Variants in LAMA3 observed in about 807,000 individuals in gnomAD.
LAMA3 encodes the protein laminin subunit alpha-3.
Under a neutral mutation model 402.0 loss-of-function variants are expected in LAMA3, and 281 were observed. That is an observed-to-expected ratio of 0.70 (90% CI 0.63 to 0.77). LAMA3 has a LOEUF of 0.77. Among genes scored for constraint, LAMA3 ranks in the 30% least tolerant of loss-of-function variants. The pLI is 0.00. For missense variants in LAMA3, 3,840 were observed against 4,215.5 expected (o/e 0.91, Z 2.47); for synonymous variants, 1,431 against 1,558.4 (o/e 0.92, Z 1.93).
At chr18:23,761,343 C>T (rs569812406) in intron 7 of LAMA3, among the ~76,000 whole-genome samples, 1 of 152,334 alleles carries the variant, frequency 6.6e-6, no homozygotes, top group African/African-American at 2.4e-5. Context: ...CATTCCCCTA[C>T]AATTAAACAT....
At chr18:23,721,177 T>C (rs1043611675) in intron 2 of LAMA3, among the ~76,000 whole-genome samples, 8 of 151,952 alleles carry the variant, frequency 5.3e-5, no homozygotes, top group African/African-American at 1.9e-4. Context: ...AAAAAGTCTC[T>C]CTCTCTTTCT....
chr18:23,737,912 G>A (rs1334321681), intron 2 of LAMA3, among the ~76,000 whole-genome samples: 3 of 152,236 alleles, frequency 2.0e-5, no homozygotes, highest in Non-Finnish European at 4.4e-5. Context: ...CTCAGCGGAG[G>A]CCTGAGCTTA....
At chr18:23,818,491 T>G (rs1160479324) in intron 18 of LAMA3, among the ~76,000 whole-genome samples, 1 of 152,262 alleles carries the variant, frequency 6.6e-6, no homozygotes, top group African/African-American at 2.4e-5. Flanking sequence ...ATGACAATCT[T>G]GCATCCTTTT....
At position 23,871,598 on chromosome 18, in the gene LAMA3, G is replaced by C; in HGVS notation, c.4935G>C (p.Gly1645=). The C allele has an allele frequency of 1.2e-6, 2 of 1,614,082 alleles. No homozygotes were observed. The highest frequency in any genetic ancestry group is 1.7e-6 in the Non-Finnish European group (2 of 1,179,980). ...GLEEASDTGS[G]RIALAVEICA... is the part of the protein sequence containing the mutation. ...AGGAAGCCTCTGACACAGGAAGTGG[G>C]CGCATAGCACTTGCTGTGGAAATCT... Residue 1645 remains glycine, a synonymous_variant, in exon 38 of 75, where the codon GGG becomes GGC. Coordinates refer to ENST00000313654, the MANE Select transcript of LAMA3 (RefSeq NM_198129.4).
In LAMA3 at chr18:23,847,660, G is replaced by A; in HGVS notation, c.4128G>A (p.Gly1376=). Residue 1376 remains glycine, a synonymous_variant, in exon 32 of 75, where the codon GGG becomes GGA. Transcript: ENST00000313654. ...TGCCGGAGTGTGACCGGGACAGCGG[G>A]CAGTGCAGGTGAGCTGGGGGAGTAG... ...AAMPECDRDS[G]QCRCKPRITG... 1 of 1,613,324 alleles carries A rather than the reference G, an allele frequency of 6.2e-7. No homozygotes were observed. Among genetic ancestry groups the A allele is most frequent in the Non-Finnish European group, 8.5e-7 (1 of 1,179,842 alleles).
intron 2 of LAMA3, among the ~76,000 whole-genome samples, chr18:23,730,223 A>G (rs940653757): frequency 3.3e-5 from 5 of 152,066 alleles, no homozygotes; most frequent in Admixed American, 6.5e-5. Flanking sequence ...ACCTCATTAC[A>G]GGTTCCAACA....
intron 8 of LAMA3, among the ~76,000 whole-genome samples, chr18:23,770,955 T>A (rs2062186867): frequency 6.6e-6 from 1 of 152,160 alleles, no homozygotes; most frequent in Non-Finnish European, 1.5e-5. Flanking sequence ...ACCACACCTA[T>A]TCATCATTGT....
chr18:23,734,035 G>C (rs888203170), intron 2 of LAMA3, among the ~76,000 whole-genome samples: 2 of 152,240 alleles, frequency 1.3e-5, no homozygotes, highest in Non-Finnish European at 2.9e-5. Flanking sequence ...GATTCACTCT[G>C]TGTTCTCTCA....
chr18:23,912,139 GT>G (rs35301452), intron 55 of LAMA3, among the ~76,000 whole-genome samples: 455 of 140,352 alleles, frequency 3.2e-3, no homozygotes, highest in African/African-American at 0.011. Context: ...GATATATATA[GT>G]TTTTTTTTTT....
intron 32 of LAMA3, among the ~76,000 whole-genome samples, chr18:23,849,519 C>G (rs1466162786): frequency 6.6e-6 from 1 of 152,332 alleles, no homozygotes; most frequent in East Asian, 1.9e-4. Flanking sequence ...AATGGAACTT[C>G]ACACACAATT....
chr18:23,707,031 T>G (rs960060353), intron 1 of LAMA3, among the ~76,000 whole-genome samples: 1 of 152,156 alleles, frequency 6.6e-6, no homozygotes, highest in Non-Finnish European at 1.5e-5. Context: ...TGAGCCAAGA[T>G]CGCACCATTG....
intron 12 of LAMA3, among the ~76,000 whole-genome samples, chr18:23,808,013 C>T (rs542727499): frequency 6.6e-6 from 1 of 152,280 alleles, no homozygotes; most frequent in African/African-American, 2.4e-5. Context: ...CTTCTGTCTG[C>T]CAATAGCTAG....
chr18:23,744,932 A>G (rs1233540834), intron 2 of LAMA3, among the ~76,000 whole-genome samples: 1 of 151,972 alleles, frequency 6.6e-6, no homozygotes, highest in African/African-American at 2.4e-5. Context: ...TCACTGCCAT[A>G]TGTAATCCTT....
At chr18:23,892,057 A>G (rs1372739774) in intron 42 of LAMA3, among the ~76,000 whole-genome samples, 1 of 152,206 alleles carries the variant, frequency 6.6e-6, no homozygotes, top group South Asian at 2.1e-4. Context: ...TCTGAGACAT[A>G]AGGGACAGAA....
chr18:23,872,991 A>G (rs530250417), intron 38 of LAMA3: 19 of 1,610,692 alleles, frequency 1.2e-5, no homozygotes, highest in Middle Eastern at 3.5e-4. Context: ...AAGGGCAGGT[A>G]TAAGAGGAAG....
intron 32 of LAMA3, among the ~76,000 whole-genome samples, chr18:23,848,209 G>A (rs2063864623): frequency 6.6e-6 from 1 of 152,204 alleles, no homozygotes; most frequent in Admixed American, 6.5e-5. Context: ...AGGGAGTCAG[G>A]GTGAACAGGA....
intron 38 of LAMA3, among the ~76,000 whole-genome samples, chr18:23,871,992 T>A (rs1413467284): frequency 1.3e-5 from 2 of 152,190 alleles, no homozygotes; most frequent in Non-Finnish European, 2.9e-5. Flanking sequence ...ATGATCAATG[T>A]TTGAGATGAT....
intron 2 of LAMA3, among the ~76,000 whole-genome samples, chr18:23,723,995 C>T (rs1014204347): frequency 6.6e-6 from 1 of 152,158 alleles, no homozygotes; most frequent in Admixed American, 6.5e-5. Context: ...GCAGTATACA[C>T]TGCACCCAAT....
chr18:23,880,703 C>A (rs1051501531), intron 39 of LAMA3, among the ~76,000 whole-genome samples: 1 of 152,042 alleles, frequency 6.6e-6, no homozygotes, highest in Non-Finnish European at 1.5e-5. Flanking sequence ...ATGGTGAAAC[C>A]CTGTCTTTAC....
Sources: gnomAD v4.1 joint callset for allele counts (sites outside exome capture counted in the v4.1 genomes callset) on GRCh38, gnomAD v4.1.1 for gene constraint, MANE v1.5 for transcripts, NCBI Gene and HGNC (gene_info 2026-07-23, HGNC 2026-07-21) for gene names.